The following DNAH11 variants were observed in gnomAD, a reference collection of about 807,000 sequenced individuals.
DNAH11 encodes the protein dynein axonemal heavy chain 11.
In DNAH11, 442 loss-of-function variants were observed where a neutral mutation model predicts 526.0. The observed-to-expected ratio is 0.84, with a 90% CI of 0.78 to 0.91. The LOEUF (loss-of-function observed/expected upper bound fraction) is 0.91, where lower values mean the gene tolerates loss of function less well. DNAH11 is among the 40% of genes least tolerant of loss of function. DNAH11 has a pLI of 0.00. For synonymous variants in DNAH11, 2,461 were observed against 1,935.9 expected, an observed-to-expected ratio of 1.27 and a Z score of -7.12; for missense variants, 6,989 against 5,448.7, an observed-to-expected ratio of 1.28 and a Z score of -8.90.
At position 21,705,536 on chromosome 7, in the gene DNAH11, A is replaced by G. The variant is rs1406467738; in HGVS notation, c.6545A>G (p.Lys2182Arg). 1.2e-6 allele frequency: 2 copies of G among 1,613,338 alleles called. No individual in the cohort carries two copies. The highest frequency in any genetic ancestry group is 1.7e-6 in the Non-Finnish European group (2 of 1,179,450). Residue 2182 changes from lysine to arginine, a missense_variant and splice_region_variant, in exon 39 of 82, where the codon AAG (lysine) becomes AGG (arginine). Transcript: ENST00000409508. The stretch of plus-strand genomic sequence containing the variant: ...GGAAATGCAGGCACAGGAAAGAGTA[A>G]GGTATAGTAAATTGCCTAATAGCTT... ...VVGNAGTGKSKILRTLNRTYV... is the reference protein window; with the variant it reads ...VVGNAGTGKSRILRTLNRTYV...
Position 21,659,108 on chromosome 7 carries a change from T to C in DNAH11, c.5328+77T>C, listed in dbSNP as rs564058843. On this transcript the variant is annotated intron_variant, in intron 30 of 81. Transcript: ENST00000409508. Reference sequence around the variant, plus strand: ...CTTGCTTCATTCATTCTTTTAGTCATTCATTTACCGAGTGTCATCTGTGTG... The same window carrying C: ...CTTGCTTCATTCATTCTTTTAGTCACTCATTTACCGAGTGTCATCTGTGTG... The C allele has an allele frequency of 7.2e-4, 887 of 1,228,186 alleles. 4 individuals are homozygous for C. In the Middle Eastern group the frequency reaches 0.015, roughly 21 times the overall value. The allele number at this position is 1,228,186 out of a possible 1,614,324, so 76.1% of individuals were successfully genotyped here.
intron 46 of DNAH11, among the ~76,000 whole-genome samples, chr7:21,737,021 A>G (rs913856528): frequency 6.6e-6 from 1 of 152,220 alleles, no homozygotes; most frequent in Non-Finnish European, 1.5e-5. Flanking sequence ...GCTATTTCCT[A>G]AAAGGAATAC....
intron 34 of DNAH11, among the ~76,000 whole-genome samples, chr7:21,689,617 G>C (rs1015207122): frequency 6.6e-6 from 1 of 152,234 alleles, no homozygotes; most frequent in African/African-American, 2.4e-5. Context: ...GCGTGTGAGC[G>C]GCCCTGCCAG....
Position 21,704,358 on chromosome 7 carries a change from A to G in DNAH11, c.6274-76A>G, listed in dbSNP as rs1266026857. On this transcript the variant is annotated intron_variant, in intron 37 of 81. Transcript: ENST00000409508. ...CATGCTTCACATATGAGGAGTAAAA[A>G]TAACAAACATCTTTAGTTTTTTAGG... 3 of 1,425,196 alleles carry G rather than the reference A, an allele frequency of 2.1e-6. No homozygotes were observed. The East Asian group carries it at 7.5e-5, about 35-fold the overall frequency. 88.3% of individuals were successfully genotyped at this position (1,425,196 alleles called of 1,614,324 possible). A position where few individuals can be genotyped will look rare whatever the true frequency, so the allele number is the denominator to read the frequency against.
At chr7:21,693,956 C>T (rs60643943) in intron 35 of DNAH11, among the ~76,000 whole-genome samples, 5,123 of 152,120 alleles carry the variant, frequency 0.034, 202 homozygotes, top group African/African-American at 0.1. Flanking sequence ...AGAACACGCG[C>T]GAGGTGGGGA....
At chr7:21,829,725 G>C (rs1045952728) in intron 65 of DNAH11, among the ~76,000 whole-genome samples, 1 of 152,158 alleles carries the variant, frequency 6.6e-6, no homozygotes, top group African/African-American at 2.4e-5. Context: ...AAAAGTAAAA[G>C]GGGCATCATT....
intron 41 of DNAH11, 68 bp downstream of exon 41, chr7:21,710,771 G>A: frequency 4.1e-6 from 6 of 1,462,052 alleles, no homozygotes; most frequent in Non-Finnish European, 5.5e-6. Flanking sequence ...CGATTCACTT[G>A]TCGATGTTAA....
At chr7:21,814,482 A>C (rs1789684005) in intron 63 of DNAH11, among the ~76,000 whole-genome samples, 1 of 150,506 alleles carries the variant, frequency 6.6e-6, no homozygotes, top group Admixed American at 6.6e-5. Flanking sequence ...GTCATCTAGC[A>C]TTAGGTATAT....
At chr7:21,860,426 A>G (rs1783015034) in intron 68 of DNAH11, among the ~76,000 whole-genome samples, 1 of 152,214 alleles carries the variant, frequency 6.6e-6, no homozygotes, top group African/African-American at 2.4e-5. Flanking sequence ...CCATATGATC[A>G]AGCAATTCCA....
At chr7:21,878,313 A>G (rs912728505) in intron 74 of DNAH11, among the ~76,000 whole-genome samples, 2 of 152,226 alleles carry the variant, frequency 1.3e-5, no homozygotes, top group Non-Finnish European at 2.9e-5. Flanking sequence ...AGTCATTTAT[A>G]TAAAGTACAG....
intron 65 of DNAH11, among the ~76,000 whole-genome samples, chr7:21,829,863 T>A (rs6975567): frequency 0.12 from 18,668 of 152,246 alleles, 1,491 homozygotes; most frequent in East Asian, 0.31. Context: ...TTCAGGAAAC[T>A]GATCATTGGG....
chr7:21,770,482 G>C (rs563639017), intron 55 of DNAH11, among the ~76,000 whole-genome samples: 1 of 152,256 alleles, frequency 6.6e-6, no homozygotes, highest in East Asian at 1.9e-4. Flanking sequence ...TCAATTTTCA[G>C]ATTAGGGATG....
At chr7:21,860,605 C>G (rs1783025030) in intron 68 of DNAH11, among the ~76,000 whole-genome samples, 4 of 152,146 alleles carry the variant, frequency 2.6e-5, no homozygotes, top group Admixed American at 1.3e-4. Flanking sequence ...GTTGAATATT[C>G]TTTTGCCTTA....
At position 21,896,159 on chromosome 7, in the gene DNAH11, T is replaced by C. The variant is rs115801596; in HGVS notation, c.13049+1160T>C. ...TATGTTTGTTGTGTTTTGTTTGTGG[T>C]CAATCATTATTTTTGTTTTAATATA... On this transcript the variant is annotated intron_variant, in intron 79 of 81. Transcript: ENST00000409508. 5.9e-3 allele frequency among the ~76,000 whole-genome samples: 894 copies of C among 152,368 alleles called. 11 individuals are homozygous for C. The highest frequency in any genetic ancestry group is 0.02 in the African/African-American group (852 of 41,586).
chr7:21,753,751 AT>A (rs1425756115), intron 54 of DNAH11, among the ~76,000 whole-genome samples: 11 of 151,964 alleles, frequency 7.2e-5, no homozygotes, highest in African/African-American at 2.7e-4. Flanking sequence ...TTCATTTCCA[AT>A]TGCTCTTTCT....
chr7:21,738,554 A>AGT, intron 46 of DNAH11, 147 bp from the exon 47 acceptor site: 1 of 714,680 alleles, frequency 1.4e-6, no homozygotes. Context: ...CCAGAGACAC[A>AGT]TCCCGGGTCT....
intron 62 of DNAH11, among the ~76,000 whole-genome samples, chr7:21,803,762 A>G (rs1789113182): frequency 6.6e-6 from 1 of 151,258 alleles, no homozygotes; most frequent in East Asian, 1.9e-4. Flanking sequence ...TCATCATTGA[A>G]GTCTGGAAAA....
intron 42 of DNAH11, among the ~76,000 whole-genome samples, chr7:21,717,182 A>G (rs560566938): frequency 1.9e-4 from 26 of 139,766 alleles, no homozygotes; most frequent in Non-Finnish European, 3.6e-4. Flanking sequence ...TCAAATTGAT[A>G]ACATTTTATG....
At chr7:21,675,888 G>T (rs567735858) in intron 30 of DNAH11, among the ~76,000 whole-genome samples, 1 of 152,144 alleles carries the variant, frequency 6.6e-6, no homozygotes, top group African/African-American at 2.4e-5. Flanking sequence ...TAGATAGGGG[G>T]TAATAGTAAA....
Sources: allele counts gnomAD v4.1 joint callset (sites outside exome capture counted in the v4.1 genomes callset), GRCh38; gene constraint gnomAD v4.1.1; transcripts MANE v1.5; gene names NCBI Gene and HGNC (gene_info 2026-07-23, HGNC 2026-07-21).